ZCWPW2: variants seen among roughly 807,000 people sequenced by gnomAD.
ZCWPW2 encodes the protein zinc finger CW-type PWWP domain protein 2.
A neutral mutation model predicts 46.6 loss-of-function variants in ZCWPW2; 45 were observed. The ratio of observed to expected loss-of-function variants is 0.96; its 90% confidence interval spans 0.76 to 1.24. The LOEUF is 1.24. ZCWPW2 is among the 50% of genes most tolerant of loss of function. The probability of loss-of-function intolerance (pLI) is 0.00; values close to 1 mark genes in which losing one functional copy is unlikely to be tolerated. For synonymous variants in ZCWPW2, 152 were observed against 137.1 expected (o/e 1.11, Z -0.76); for missense variants, 429 against 403.9 (o/e 1.06, Z -0.53).
intron 5 of ZCWPW2, among the ~76,000 whole-genome samples, chr3:28,484,548 T>C (rs2125809862): frequency 6.6e-6 from 1 of 152,330 alleles, no homozygotes; most frequent in East Asian, 1.9e-4. Flanking sequence ...ATCTAGGTTA[T>C]AAAATTTGTG....
intron 1 of ZCWPW2, among the ~76,000 whole-genome samples, chr3:28,352,930 T>C (rs1343012680): frequency 6.6e-6 from 1 of 152,124 alleles, no homozygotes; most frequent in African/African-American, 2.4e-5. Context: ...ATGCCTGTGA[T>C]CCCAGCACTT....
intron 4 of ZCWPW2, chr3:28,447,746 C>T (rs1458980712): frequency 3.1e-6 from 2 of 648,066 alleles, no homozygotes; most frequent in Non-Finnish European, 5.8e-6. Flanking sequence ...TTTGACATAC[C>T]ATCGTAGGGT....
intron 1 of ZCWPW2, among the ~76,000 whole-genome samples, chr3:28,357,209 AAAT>A (rs1704770542): frequency 6.6e-6 from 1 of 152,332 alleles, no homozygotes; most frequent in South Asian, 2.1e-4. Flanking sequence ...AGCTACGAAT[AAAT>A]AATAATGAAA....
chr3:28,436,323 C>CTTTTTTTTTT (rs71087698), intron 4 of ZCWPW2, among the ~76,000 whole-genome samples: 2,058 of 116,624 alleles, frequency 0.018, 7 homozygotes, highest in African/African-American at 0.027. Context: ...TCTTTTTTTT[C>CTTTTTTTTTT]TTTTTTTTTT....
chr3:28,457,823 A>T (rs963405630), intron 4 of ZCWPW2, among the ~76,000 whole-genome samples: 1 of 152,228 alleles, frequency 6.6e-6, no homozygotes, highest in African/African-American at 2.4e-5. Flanking sequence ...GAATATATAA[A>T]ATACTTTAAA....
At chr3:28,515,025 T>C (rs751036221) in intron 7 of ZCWPW2, among the ~76,000 whole-genome samples, 20 of 152,196 alleles carry the variant, frequency 1.3e-4, no homozygotes, top group Non-Finnish European at 2.5e-4. Flanking sequence ...TATTATAATC[T>C]CCATTTTAAA....
At chr3:28,486,015 C>T (rs1298527984) in intron 5 of ZCWPW2, among the ~76,000 whole-genome samples, 1 of 151,960 alleles carries the variant, frequency 6.6e-6, no homozygotes, top group Non-Finnish European at 1.5e-5. Context: ...GTCTTTCACT[C>T]TTTTTCTGTC....
In ZCWPW2 at chr3:28,474,612, TGTGTGTGTGC is replaced by T. The variant is rs1421607445; in HGVS notation, c.493-4200_493-4191del. On this transcript the variant is annotated intron_variant, in intron 4 of 9. Transcript: ENST00000383768. The stretch of plus-strand genomic sequence containing the variant: ...GTGTGTGTGTGTGTGTGTGTGTGTG[TGTGTGTGTGC>T]GCGCGCGCGCGCGCGCACATGCGCA... Among the ~76,000 whole-genome samples, 4 of 149,866 alleles carry T rather than the reference TGTGTGTGTGC, an allele frequency of 2.7e-5. 1 individual carries two copies. The highest frequency in any genetic ancestry group is 9.9e-5 in the African/African-American group (4 of 40,248).
At chr3:28,409,974 GA>G (rs1469738278) in intron 2 of ZCWPW2, among the ~76,000 whole-genome samples, 2 of 152,020 alleles carry the variant, frequency 1.3e-5, no homozygotes, top group Admixed American at 6.6e-5. Flanking sequence ...CATAATATTA[GA>G]AAGGGTAAAA....
At chr3:28,386,566 C>T (rs1482695195) in intron 1 of ZCWPW2, among the ~76,000 whole-genome samples, 1 of 152,042 alleles carries the variant, frequency 6.6e-6, no homozygotes, top group Non-Finnish European at 1.5e-5. Context: ...CTAAAGTTTG[C>T]CTCACATTAA....
At chr3:28,390,944 T>C (rs1695462308) in intron 2 of ZCWPW2, among the ~76,000 whole-genome samples, 1 of 152,170 alleles carries the variant, frequency 6.6e-6, no homozygotes, top group Admixed American at 6.5e-5. Flanking sequence ...CTGCTGTCTT[T>C]TGTTTTAAAG....
chr3:28,492,019 G>A, intron 5 of ZCWPW2, 108 bp from the exon 6 acceptor site: 1 of 1,114,118 alleles, frequency 9.0e-7, no homozygotes, highest in Non-Finnish European at 1.3e-6. Context: ...ACAAAATACT[G>A]TTACAATAGT....
In ZCWPW2 at chr3:28,370,571, G is replaced by A. The variant is rs141122001; in HGVS notation, c.-133-19927G>A. 2.4e-4 allele frequency among the ~76,000 whole-genome samples: 37 copies of A among 152,236 alleles called. 1 individual carries two copies. In the East Asian group the frequency reaches 5.8e-3, roughly 24 times the overall value. On this transcript the variant is annotated intron_variant, in intron 1 of 9. Coordinates refer to ENST00000383768, the MANE Select transcript of ZCWPW2 (RefSeq NM_001040432.4). ...GGCTACTATTGGGGAGAAGAAAGAC[G>A]GTAGTGACTAGGGAGAGGTTATAAG... is the stretch of plus-strand genomic sequence containing the variant.
intron 1 of ZCWPW2, among the ~76,000 whole-genome samples, chr3:28,370,251 C>T (rs553587797): frequency 6.6e-4 from 100 of 152,278 alleles, no homozygotes; most frequent in African/African-American, 2.1e-3. Context: ...GCATCGCTCA[C>T]GCTGGGAACT....
chr3:28,379,999 T>A (rs1694968906), intron 1 of ZCWPW2, among the ~76,000 whole-genome samples: 1 of 152,124 alleles, frequency 6.6e-6, no homozygotes, highest in Admixed American at 6.6e-5. Context: ...TTATGTATTT[T>A]TGAGATGGAG....
At chr3:28,387,368 G>A (rs922611679) in intron 1 of ZCWPW2, among the ~76,000 whole-genome samples, 1 of 152,028 alleles carries the variant, frequency 6.6e-6, no homozygotes, top group Admixed American at 6.6e-5. Context: ...ATATATTTTA[G>A]AAGATATGAA....
At chr3:28,377,220 C>T (rs935898066) in intron 1 of ZCWPW2, among the ~76,000 whole-genome samples, 9 of 151,968 alleles carry the variant, frequency 5.9e-5, no homozygotes, top group Non-Finnish European at 1.2e-4. Context: ...TGCATGCTTT[C>T]ATTTTTGCAT....
intron 4 of ZCWPW2, among the ~76,000 whole-genome samples, chr3:28,452,161 T>A (rs1698249649): frequency 6.6e-6 from 1 of 152,226 alleles, no homozygotes; most frequent in African/African-American, 2.4e-5. Flanking sequence ...AACATAGTGG[T>A]TAAAAAGGCA....
intron 9 of ZCWPW2, among the ~76,000 whole-genome samples, chr3:28,524,236 A>G (rs191572880): frequency 6.6e-6 from 1 of 152,156 alleles, no homozygotes; most frequent in East Asian, 1.9e-4. Context: ...GTAAAAAATA[A>G]AACAACATAG....
Sources: allele counts gnomAD v4.1 joint callset (sites outside exome capture counted in the v4.1 genomes callset), GRCh38; gene constraint gnomAD v4.1.1; transcripts MANE v1.5; gene names NCBI Gene and HGNC (gene_info 2026-07-23, HGNC 2026-07-21).